The following ZFAT variants were observed in gnomAD, a reference collection of about 807,000 sequenced individuals.
The protein encoded by ZFAT is zinc finger protein ZFAT.
Under a neutral mutation model 117.7 loss-of-function variants are expected in ZFAT, and 64 were observed. That is an observed-to-expected ratio of 0.54 (90% CI 0.44 to 0.67). The LOEUF (loss-of-function observed/expected upper bound fraction) is 0.67, where lower values mean the gene tolerates loss of function less well. ZFAT is among the 30% of genes least tolerant of loss of function. The pLI is 0.00. For missense variants in ZFAT, 1,433 were observed against 1,584.5 expected (o/e 0.90, Z 1.62); for synonymous variants, 679 against 615.0 (o/e 1.10, Z -1.54).
chr8:134,489,589 G>A (rs990411373), intron 15 of ZFAT, among the ~76,000 whole-genome samples: 3 of 152,070 alleles, frequency 2.0e-5, no homozygotes, highest in Non-Finnish European at 4.4e-5. Flanking sequence ...TGCCGCATCT[G>A]TCTCCGCTTC....
intron 10 of ZFAT, among the ~76,000 whole-genome samples, chr8:134,571,543 T>A (rs1040373658): frequency 6.2e-5 from 9 of 146,012 alleles, no homozygotes; most frequent in Non-Finnish European, 6.1e-5. Flanking sequence ...AATGAACCAG[T>A]GAATGTATGA....
intron 11 of ZFAT, among the ~76,000 whole-genome samples, chr8:134,551,676 C>T (rs1275448168): frequency 6.6e-6 from 1 of 152,214 alleles, no homozygotes; most frequent in Non-Finnish European, 1.5e-5. Context: ...ATTGCTTTCA[C>T]TTCCTTGCTG....
At chr8:134,706,670 C>A (rs2131365688) in intron 1 of ZFAT, among the ~76,000 whole-genome samples, 1 of 152,058 alleles carries the variant, frequency 6.6e-6, no homozygotes, top group African/African-American at 2.4e-5. Context: ...CCATCCTGGG[C>A]AACAAGAGCA....
intron 3 of ZFAT, among the ~76,000 whole-genome samples, chr8:134,614,704 G>A (rs1220114135): frequency 6.6e-6 from 1 of 152,212 alleles, no homozygotes; most frequent in Admixed American, 6.5e-5. Context: ...AATGGGTAGA[G>A]TCTCCTGCAA....
chr8:134,593,241 T>G, intron 7 of ZFAT, among the ~76,000 whole-genome samples: 1 of 152,154 alleles, frequency 6.6e-6, no homozygotes, highest in Non-Finnish European at 1.5e-5. Flanking sequence ...TTTTTTTCTT[T>G]TAATCTCTGA....
chr8:134,545,118 A>T (rs187330718), intron 11 of ZFAT, among the ~76,000 whole-genome samples: 1 of 152,366 alleles, frequency 6.6e-6, no homozygotes, highest in Non-Finnish European at 1.5e-5. Flanking sequence ...CATGTTTCAC[A>T]CAATGGTATA....
intron 5 of ZFAT, among the ~76,000 whole-genome samples, chr8:134,603,609 C>T (rs140198386): frequency 1.3e-5 from 2 of 152,320 alleles, no homozygotes; most frequent in Non-Finnish European, 2.9e-5. Context: ...CTTACTTCTT[C>T]CCAAGAAAAG....
Position 134,698,186 on chromosome 8 carries a change from C to T in ZFAT, c.19+14659G>A, listed in dbSNP as rs150901861. 3.1e-3 allele frequency among the ~76,000 whole-genome samples: 468 copies of T among 151,962 alleles called. 2 individuals carry two copies. Among genetic ancestry groups the T allele is most frequent in the African/African-American group, 0.011 (442 of 41,440 alleles). On this transcript the variant is annotated intron_variant, in intron 1 of 15. Transcript: ENST00000377838. ...AAACATACAAAAAAAATTAGCTGTG[C>T]GTGGTGGCAGATGCCTGTAGTCCCA...
chr8:134,519,957 T>C (rs141508916), intron 13 of ZFAT, among the ~76,000 whole-genome samples: 8 of 152,344 alleles, frequency 5.3e-5, no homozygotes, highest in African/African-American at 1.9e-4. Context: ...GATGTTAACA[T>C]GTTACCTTTC....
intron 15 of ZFAT, among the ~76,000 whole-genome samples, chr8:134,498,261 T>C (rs1264437909): frequency 7.1e-6 from 1 of 140,212 alleles, no homozygotes; most frequent in Non-Finnish European, 1.6e-5. Context: ...TTGGTAGGGT[T>C]GGGGTGGAGC....
intron 3 of ZFAT, among the ~76,000 whole-genome samples, chr8:134,624,126 G>C (rs1296309057): frequency 6.6e-6 from 1 of 151,794 alleles, no homozygotes; most frequent in Non-Finnish European, 1.5e-5. Context: ...CCACAGGAGG[G>C]CTCAAAAAGT....
the ZFAT span, among the ~76,000 whole-genome samples, chr8:134,782,133 G>A: frequency 6.6e-6 from 1 of 152,152 alleles, no homozygotes; most frequent in Non-Finnish European, 1.5e-5. Context: ...CTTGCCCCAA[G>A]CCTAAAGAAA....
the ZFAT span, among the ~76,000 whole-genome samples, chr8:134,763,388 T>C: frequency 1.0e-3 from 155 of 152,258 alleles, no homozygotes; most frequent in South Asian, 4.1e-3. Context: ...TTTCCTCTCA[T>C]AATCTTTCTT....
Position 134,527,049 on chromosome 8 carries a change from G to A in ZFAT, c.3115+5785C>T, listed in dbSNP as rs1320714699. Among the ~76,000 whole-genome samples the A allele has an allele frequency of 2.0e-5, 3 of 150,476 alleles. No individual in the cohort carries two copies. The East Asian group carries it at 5.9e-4, about 30-fold the overall frequency. On this transcript the variant is annotated intron_variant, in intron 12 of 15. Coordinates refer to ENST00000377838, the MANE Select transcript of ZFAT (RefSeq NM_020863.4). ...GGAGGTCATTCTGGTTTCTCCGAGT[G>A]GGCCTAATGCTATCACAGGGGTCAT...
At chr8:134,709,959 T>G (rs1426114358) in intron 1 of ZFAT, among the ~76,000 whole-genome samples, 1 of 152,188 alleles carries the variant, frequency 6.6e-6, no homozygotes, top group Non-Finnish European at 1.5e-5. Context: ...TTGTACTCCC[T>G]TTCCTAAATT....
chr8:134,479,488 C>G (rs1817136490), intron 15 of ZFAT, among the ~76,000 whole-genome samples: 1 of 152,234 alleles, frequency 6.6e-6, no homozygotes, highest in Admixed American at 6.5e-5. Flanking sequence ...ATGCTGCCAG[C>G]TCTGGGCTGT....
At chr8:134,541,807 C>T (rs1424826032) in intron 11 of ZFAT, among the ~76,000 whole-genome samples, 1 of 152,220 alleles carries the variant, frequency 6.6e-6, no homozygotes, top group East Asian at 1.9e-4. Flanking sequence ...GCTGCCATTT[C>T]TTTCCAAAAA....
At chr8:134,712,769 G>T in intron 1 of ZFAT, 76 bp downstream of exon 1, 5 of 1,398,818 alleles carry the variant, frequency 3.6e-6, no homozygotes, top group Non-Finnish European at 3.8e-6. Flanking sequence ...CCGACTCGAC[G>T]CTCGAAACGG....
intron 10 of ZFAT, among the ~76,000 whole-genome samples, chr8:134,569,438 C>A (rs962332586): frequency 6.6e-6 from 1 of 151,858 alleles, no homozygotes; most frequent in Non-Finnish European, 1.5e-5. Flanking sequence ...GAATTTATAC[C>A]AGCAATGGCA....
Sources: gnomAD v4.1 joint callset for allele counts (sites outside exome capture counted in the v4.1 genomes callset) on GRCh38, gnomAD v4.1.1 for gene constraint, MANE v1.5 for transcripts, NCBI Gene and HGNC (gene_info 2026-07-23, HGNC 2026-07-21) for gene names.